The following CADPS variants were observed in gnomAD, a reference collection of about 807,000 sequenced individuals.
CADPS encodes the protein calcium dependent secretion activator.
Under a neutral mutation model 167.3 loss-of-function variants are expected in CADPS, and 57 were observed. The observed-to-expected ratio is 0.34, with a 90% CI of 0.28 to 0.42. The LOEUF (loss-of-function observed/expected upper bound fraction) is 0.42. CADPS is among the 20% of genes least tolerant of loss of function. The pLI is 1.00. For synonymous variants in CADPS, 676 were observed against 635.3 expected (o/e 1.06, Z -0.96); for missense variants, 1,414 against 1,738.1 (o/e 0.81, Z 3.32).
In CADPS at chr3:62,730,326, T is replaced by C. The variant is rs145063045; in HGVS notation, c.888+23115A>G. On this transcript the variant is annotated intron_variant, in intron 3 of 29. Transcript: ENST00000383710. ...CACCAATAGAAGGTTATGCTACTGG[T>C]ATCTAGTGAGTAGAAGTTAGGGATG... 1.8e-3 allele frequency among the ~76,000 whole-genome samples: 267 copies of C among 152,254 alleles called. 4 individuals are homozygous for C. The East Asian group carries it at 0.047, about 27-fold the overall frequency.
At chr3:62,647,952 G>C (rs1231845073) in intron 5 of CADPS, among the ~76,000 whole-genome samples, 1 of 152,178 alleles carries the variant, frequency 6.6e-6, no homozygotes, top group Admixed American at 6.5e-5. Context: ...TTTGCCCTTT[G>C]TCCTTTGCCC....
intron 26 of CADPS, among the ~76,000 whole-genome samples, chr3:62,449,707 G>C (rs180707628): frequency 1.4e-4 from 21 of 152,090 alleles, no homozygotes; most frequent in Admixed American, 9.2e-4. Context: ...ATATTGTTTT[G>C]ATGAACAAAA....
At chr3:62,677,677 A>ATTTGGGG (rs1195954538) in intron 3 of CADPS, among the ~76,000 whole-genome samples, 5 of 152,142 alleles carry the variant, frequency 3.3e-5, no homozygotes, top group African/African-American at 1.2e-4. Context: ...GTTTGCCCTG[A>ATTTGGGG]CAACATTTGA....
chr3:62,760,101 A>G (rs2152464963), intron 2 of CADPS, among the ~76,000 whole-genome samples: 1 of 152,112 alleles, frequency 6.6e-6, no homozygotes, highest in South Asian at 2.1e-4. Context: ...CCCTTCCTCC[A>G]TGCCCAGGGA....
At chr3:62,610,310 G>A (rs1207135499) in intron 6 of CADPS, among the ~76,000 whole-genome samples, 3 of 150,888 alleles carry the variant, frequency 2.0e-5, no homozygotes, top group African/African-American at 7.3e-5. Context: ...GAGTACAGTG[G>A]CACAATCTCA....
At chr3:62,773,003 T>C (rs2089310045) in intron 1 of CADPS, among the ~76,000 whole-genome samples, 1 of 152,080 alleles carries the variant, frequency 6.6e-6, no homozygotes, top group Non-Finnish European at 1.5e-5. Context: ...GAAATCATTA[T>C]CTGGGAAAAA....
In CADPS at chr3:62,557,412, G is replaced by C. The variant is rs149001963; in HGVS notation, c.1746C>G (p.Pro582=). Residue 582 remains proline (P), a synonymous_variant, in exon 10 of 30, where the codon CCC becomes CCG. Transcript: ENST00000383710. ...TTGAGGGTCGGTGGGTACCTGGCTG[G>C]GGGTCGGTGTAATCCACAGTGTAGC... The part of the protein sequence containing the change: ...LDGYTVDYTD[P]QPGLEGGRAF... The C allele has an allele frequency of 2.4e-5, 38 of 1,612,814 alleles. No homozygotes were observed. The Admixed American group carries it at 3.5e-4, about 15-fold the overall frequency.
intron 1 of CADPS, among the ~76,000 whole-genome samples, chr3:62,817,237 C>A (rs902958951): frequency 6.6e-6 from 1 of 152,168 alleles, no homozygotes; most frequent in Admixed American, 6.6e-5. Flanking sequence ...CTCTGGCTAA[C>A]TTCAGAACCT....
intron 3 of CADPS, among the ~76,000 whole-genome samples, chr3:62,745,076 G>A (rs2081163468): frequency 7.4e-6 from 1 of 134,494 alleles, no homozygotes; most frequent in South Asian, 2.5e-4. Context: ...CTGAGTATAT[G>A]CATCTTTTTG....
At chr3:62,700,098 CT>C (rs2081119755) in intron 3 of CADPS, among the ~76,000 whole-genome samples, 1 of 152,116 alleles carries the variant, frequency 6.6e-6, no homozygotes, top group South Asian at 2.1e-4. Flanking sequence ...AGATTCCTAT[CT>C]GATAAATTAA....
intron 24 of CADPS, among the ~76,000 whole-genome samples, chr3:62,471,425 T>C (rs1049183990): frequency 2.0e-5 from 3 of 152,214 alleles, no homozygotes; most frequent in Non-Finnish European, 4.4e-5. Flanking sequence ...AAGTATTTTT[T>C]TCCCCTGAGA....
rs181958814 is a variant in CADPS at position 62,801,850 on chromosome 3, A to C, written c.442-35866T>G. ...TACACCCAGGTGGTTCTGACCTCAAAATGTATGTTCTTTCTACTGTTGTAA... is the reference window on the plus strand; with the variant it reads ...TACACCCAGGTGGTTCTGACCTCAACATGTATGTTCTTTCTACTGTTGTAA... On this transcript the variant is annotated intron_variant, in intron 1 of 29. Transcript: ENST00000383710. Among the ~76,000 whole-genome samples the C allele has an allele frequency of 6.6e-5, 10 of 152,202 alleles. No individual in the cohort carries two copies. In the East Asian group the frequency reaches 1.9e-3, roughly 29 times the overall value.
chr3:62,672,668 G>T (rs2075733561), intron 3 of CADPS, among the ~76,000 whole-genome samples: 3 of 152,102 alleles, frequency 2.0e-5, no homozygotes, highest in African/African-American at 7.2e-5. Flanking sequence ...TTGTTGTCTA[G>T]GCTGGAATGC....
chr3:62,702,113 G>T (rs56371058), intron 3 of CADPS, among the ~76,000 whole-genome samples: 26,915 of 151,872 alleles, frequency 0.18, 3,065 homozygotes, highest in African/African-American at 0.32. Flanking sequence ...TTCCCCTCTA[G>T]TCTGCTTTTC....
chr3:62,548,544 G>T (rs961898878), intron 11 of CADPS, among the ~76,000 whole-genome samples: 15 of 152,336 alleles, frequency 9.8e-5, no homozygotes, highest in Non-Finnish European at 1.5e-4. Context: ...ATCAACAAGG[G>T]TGTTGCAAGG....
rs540977104 is a variant in CADPS at position 62,699,264 on chromosome 3, T to C, written c.889-36870A>G. On this transcript the variant is annotated intron_variant, in intron 3 of 29. Transcript: ENST00000383710. ...GTTGCCCAGGCTGATCTTGAACCCC[T>C]GGGCTCAATTGATCCTCCTGCCTCA... is the stretch of plus-strand genomic sequence containing the variant. 3.3e-5 allele frequency among the ~76,000 whole-genome samples: 5 copies of C among 152,076 alleles called. No homozygotes were observed. In the South Asian group the frequency reaches 1.0e-3, roughly 32 times the overall value.
intron 10 of CADPS, among the ~76,000 whole-genome samples, chr3:62,550,325 T>C (rs565070839): frequency 2.6e-5 from 4 of 152,090 alleles, no homozygotes; most frequent in Non-Finnish European, 5.9e-5. Context: ...TCTTATCTTT[T>C]TGTGTCCTGC....
intron 6 of CADPS, among the ~76,000 whole-genome samples, chr3:62,609,633 A>G (rs1269847911): frequency 1.3e-5 from 2 of 152,200 alleles, no homozygotes; most frequent in Admixed American, 1.3e-4. Flanking sequence ...GTACAATAGG[A>G]ATAAGCAAAG....
At chr3:62,627,642 T>A (rs1250027005) in intron 6 of CADPS, among the ~76,000 whole-genome samples, 1 of 151,718 alleles carries the variant, frequency 6.6e-6, no homozygotes, top group Non-Finnish European at 1.5e-5. Flanking sequence ...AATACAGAAT[T>A]AAAAAAATGT....
Sources: gnomAD v4.1 joint callset for allele counts (sites outside exome capture counted in the v4.1 genomes callset) on GRCh38, gnomAD v4.1.1 for gene constraint, MANE v1.5 for transcripts, NCBI Gene and HGNC (gene_info 2026-07-23, HGNC 2026-07-21) for gene names.